Variants in HDAC5 observed in about 807,000 individuals in gnomAD.
HDAC5 encodes the protein histone deacetylase 5.
A neutral mutation model predicts 133.3 loss-of-function variants in HDAC5; 25 were observed. The ratio of observed to expected loss-of-function variants is 0.19; its 90% confidence interval spans 0.14 to 0.26. HDAC5 has a LOEUF of 0.26. HDAC5 is among the 10% of genes least tolerant of loss of function. HDAC5 has a pLI of 1.00. For missense variants in HDAC5, 1,041 were observed against 1,460.5 expected (o/e 0.71, Z 4.68); for synonymous variants, 589 against 610.8 (o/e 0.96, Z 0.53).
chr17:44,115,205 G>A (rs1289125628), intron 2 of HDAC5, among the ~76,000 whole-genome samples: 1 of 152,238 alleles, frequency 6.6e-6, no homozygotes, highest in African/African-American at 2.4e-5. Flanking sequence ...GGAACCAGAA[G>A]CTCTGCCCCT....
intron 23 of HDAC5, among the ~76,000 whole-genome samples, chr17:44,079,823 A>G (rs2050306720): frequency 6.6e-6 from 1 of 152,082 alleles, no homozygotes; most frequent in Non-Finnish European, 1.5e-5. Flanking sequence ...CTCCAATCCA[A>G]TGACAAGGAG....
rs780976569 is a variant in HDAC5, at chr17:44,091,355, G to A, written c.1302C>T (p.Gly434=). The change falls in exon 11 of 27, where the codon GGC becomes GGT. Residue 434 remains glycine, a synonymous_variant. Transcript: ENST00000682912. The part of the protein sequence containing the change: ...PGCLLGVALE[G]DGSPHGHASL... ...AGGCATGCCCGTGGGGGCTCCCGTC[G>A]CCCTCCAGTGCCACGCCCAGCAGGC... 5.0e-6 allele frequency: 8 copies of A among 1,601,626 alleles called. No individual in the cohort carries two copies. Among genetic ancestry groups the A allele is most frequent in the East Asian group, 4.5e-5 (2 of 44,788 alleles).
intron 3 of HDAC5, among the ~76,000 whole-genome samples, chr17:44,108,109 T>C (rs1001382121): frequency 6.6e-6 from 1 of 152,086 alleles, no homozygotes; most frequent in African/African-American, 2.4e-5. Context: ...GGAGCTGTGG[T>C]AGGGTGGCCA....
chr17:44,081,002 G>T, intron 20 of HDAC5, 120 bp from the exon 21 acceptor site: 1 of 1,360,960 alleles, frequency 7.3e-7, no homozygotes, highest in Non-Finnish European at 1.0e-6. Flanking sequence ...GGGAGGCTGA[G>T]GGCTGGGAGG....
chr17:44,117,559 G>T lies in HDAC5; in HGVS notation c.-44C>A, dbSNP rs781646868. On this transcript the variant is annotated 5_prime_UTR_variant, in exon 2 of 27. Coordinates refer to ENST00000682912, the MANE Select transcript of HDAC5 (RefSeq NM_005474.5). This position sits in a 1 kb window ranked among gnomAD's most constrained non-coding sequence, Gnocchi z 4.2. ...GGAAGCTGGCGTTGGGGGCTGGGAC[G>T]GGAGGGGGTGGAGCTGCGGTGATGT... 1 of 1,607,466 alleles carries T rather than the reference G, an allele frequency of 6.2e-7. No individual in the cohort carries two copies. The highest frequency in any genetic ancestry group is 8.5e-7 in the Non-Finnish European group (1 of 1,176,100).
Position 44,083,849 on chromosome 17 carries a change from T to C in HDAC5, c.2311A>G (p.Ile771Val), listed in dbSNP as rs138654256. The change falls in exon 17 of 27, where the codon ATC becomes GTC. Residue 771 changes from isoleucine to valine, a missense_variant. Ile to Val is a conservative substitution (Grantham distance 29, BLOSUM62 3). Transcript: ENST00000682912. ...AGCACAGCATACATCTTCTGGCTGA[T>C]GGGGCCTGCATGGAAGAGGAATAGA... ...KLDSKKLLGP[I>V]SQKMYAVLPC... 7 of 1,613,604 alleles carry C rather than the reference T, an allele frequency of 4.3e-6. No individual in the cohort carries two copies. Among genetic ancestry groups the C allele is most frequent in the East Asian group, 2.2e-5 (1 of 44,848 alleles).
In HDAC5 at chr17:44,117,826, C is replaced by A. The variant is rs965184985; in HGVS notation, c.-189-122G>T. On this transcript the variant is annotated intron_variant, in intron 1 of 26. Transcript: ENST00000682912. This position sits in a 1 kb window ranked among gnomAD's most constrained non-coding sequence, Gnocchi z 4.2. ...GATGAGAGGGAGGGATACCTGCCCA[C>A]AGCCACAGGAGAAATCTGCAGAACT... 6 of 560,770 alleles carry A rather than the reference C, an allele frequency of 1.1e-5. No individual in the cohort carries two copies. Among genetic ancestry groups the A allele is most frequent in the African/African-American group, 1.9e-5 (1 of 52,978 alleles). The allele number at this position is 560,770 out of a possible 1,614,324, so 34.7% of individuals were successfully genotyped here.
intron 3 of HDAC5, among the ~76,000 whole-genome samples, chr17:44,097,851 A>G (rs1274082301): frequency 1.3e-5 from 2 of 152,242 alleles, no homozygotes; most frequent in Non-Finnish European, 2.9e-5. Flanking sequence ...CAGAGAGCAC[A>G]TGGGCTCAGG....
chr17:44,077,694 C>G lies in HDAC5; in HGVS notation c.*682G>C, dbSNP rs369375344. 2 of 152,454 alleles carry G rather than the reference C, an allele frequency of 1.3e-5. No individual in the cohort carries two copies. Among genetic ancestry groups the G allele is most frequent in the African/African-American group, 4.8e-5 (2 of 41,570 alleles). The allele number at this position is 152,454 out of a possible 1,614,324, so 9.4% of individuals were successfully genotyped here. ...CTCTCCTTCCCCACACACTTTCACC[C>G]TCTCAGCCCCGGGGAAGGGGAAGTA... On this transcript the variant is annotated 3_prime_UTR_variant, in exon 27 of 27. Transcript: ENST00000682912.
intron 7 of HDAC5, 30 bp downstream of exon 7, chr17:44,092,646 T>G (rs1168135187): frequency 6.5e-7 from 1 of 1,529,640 alleles, no homozygotes; most frequent in African/African-American, 1.4e-5. Flanking sequence ...GGAGCCATAT[T>G]CTGGGAGGCC....
In HDAC5 at chr17:44,085,076, C is replaced by G. The variant is rs150946393; in HGVS notation, c.2130G>C (p.Arg710=). 6.2e-7 allele frequency: 1 copy of G among 1,601,872 alleles called. No homozygotes were observed. Among genetic ancestry groups the G allele is most frequent in the Non-Finnish European group, 8.5e-7 (1 of 1,169,976 alleles). The change falls in exon 15 of 27, where the codon CGG becomes CGC. Residue 710 remains arginine (R), a synonymous_variant. Coordinates refer to ENST00000682912, the MANE Select transcript of HDAC5 (RefSeq NM_005474.5). ...NTHVHPEHAG[R]IQSIWSRLQE... is the part of the protein sequence containing the mutation. The stretch of plus-strand genomic sequence containing the variant: ...GCAGCCGGGACCAGATGCTCTGGAT[C>G]CGGCCAGCATGCTCAGGGTGCACGT...
intron 12 of HDAC5, among the ~76,000 whole-genome samples, 171 bp from the exon 13 acceptor site, chr17:44,087,867 A>G (rs1204956150): frequency 6.6e-6 from 1 of 151,428 alleles, no homozygotes; most frequent in East Asian, 1.9e-4. Flanking sequence ...TTTTTGAGAC[A>G]GAGTCTCCCT....
intron 3 of HDAC5, among the ~76,000 whole-genome samples, chr17:44,110,256 G>A (rs532972035): frequency 5.3e-5 from 8 of 152,288 alleles, no homozygotes; most frequent in East Asian, 1.9e-4. Context: ...GGGGACTTGC[G>A]GAAGTCACTG....
intron 3 of HDAC5, among the ~76,000 whole-genome samples, chr17:44,102,696 T>C (rs1353145109): frequency 1.4e-5 from 2 of 138,190 alleles, no homozygotes; most frequent in Non-Finnish European, 3.1e-5. Flanking sequence ...AGACAGTCTC[T>C]CTGTTGCCCA....
rs1197358220 is a variant in HDAC5 at position 44,080,231 on chromosome 17, A to G, written c.2826-6T>C. On this transcript the variant is annotated splice_polypyrimidine_tract_variant and splice_region_variant and intron_variant, in intron 22 of 26. Transcript: ENST00000682912. ...CAATGGGCATCACCACTGTCCTGCA[A>G]AGGGATGGCTCAAGCTGAGCCCGGC... 4.3e-6 allele frequency: 7 copies of G among 1,611,638 alleles called. No individual in the cohort carries two copies. Among genetic ancestry groups the G allele is most frequent in the Non-Finnish European group, 5.9e-6 (7 of 1,177,784 alleles).
At chr17:44,108,971 C>T (rs2052167932) in intron 3 of HDAC5, among the ~76,000 whole-genome samples, 1 of 151,078 alleles carries the variant, frequency 6.6e-6, no homozygotes, top group Admixed American at 6.6e-5. Context: ...AGTGGGGAGA[C>T]AGGGATCTGG....
chr17:44,086,879 C>G (rs929721695), intron 13 of HDAC5, 142 bp from the exon 14 acceptor site: 1 of 499,206 alleles, frequency 2.0e-6, no homozygotes, highest in African/African-American at 2.0e-5. Flanking sequence ...CACTTGCTCC[C>G]TCCAGGGACA....
At chr17:44,096,360 T>G (rs2051269289) in intron 3 of HDAC5, among the ~76,000 whole-genome samples, 1 of 152,014 alleles carries the variant, frequency 6.6e-6, no homozygotes, top group South Asian at 2.1e-4. Flanking sequence ...CCCGAAATCC[T>G]TCTGGCTACC....
Position 44,117,696 on chromosome 17 carries a change from A to G in HDAC5, c.-181T>C, listed in dbSNP as rs1422571949. On this transcript the variant is annotated 5_prime_UTR_variant, in exon 2 of 27. Coordinates refer to ENST00000682912, the MANE Select transcript of HDAC5 (RefSeq NM_005474.5). The surrounding 1 kb of genome is among the most constrained non-coding windows in gnomAD (Gnocchi z 4.2). Reference sequence around the variant, plus strand: ...GGGGCGAGGCAGTCAGGCACTCAGAACGGCATCCCTGGGGAGAGATGGAGC... The same window carrying G: ...GGGGCGAGGCAGTCAGGCACTCAGAGCGGCATCCCTGGGGAGAGATGGAGC... 1 of 663,286 alleles carries G rather than the reference A, an allele frequency of 1.5e-6. No individual in the cohort carries two copies. Among genetic ancestry groups the G allele is most frequent in the Non-Finnish European group, 2.7e-6 (1 of 368,928 alleles). 41.1% of individuals were successfully genotyped at this position (663,286 alleles called of 1,614,324 possible).
Sources: allele counts gnomAD v4.1 joint callset (sites outside exome capture counted in the v4.1 genomes callset), GRCh38; gene constraint gnomAD v4.1.1; non-coding constraint Gnocchi (gnomAD v3.1); transcripts MANE v1.5; gene names NCBI Gene and HGNC (gene_info 2026-07-23, HGNC 2026-07-21).